Variants in PDS5A observed in about 807,000 individuals in gnomAD.
PDS5A encodes sister chromatid cohesion protein PDS5 homolog A.
PDS5A carries 42 observed loss-of-function variants against 167.1 expected under a neutral mutation model. The observed-to-expected ratio is 0.25, with a 90% CI of 0.20 to 0.33. The LOEUF (loss-of-function observed/expected upper bound fraction) is 0.33, where lower values mean the gene tolerates loss of function less well. Among genes scored for constraint, PDS5A ranks in the 10% least tolerant of loss-of-function variants. The pLI is 1.00. For synonymous variants in PDS5A, 553 were observed against 554.6 expected, an observed-to-expected ratio of 1.00 and a Z score of 0.04; for missense variants, 1,033 against 1,605.9, an observed-to-expected ratio of 0.64 and a Z score of 6.10.
chr4:39,886,269 T>C (rs184909085), intron 17 of PDS5A, among the ~76,000 whole-genome samples: 205 of 152,372 alleles, frequency 1.3e-3, no homozygotes, highest in African/African-American at 4.8e-3. Flanking sequence ...TTTTGTTCTC[T>C]TTCCTCATAT....
At chr4:39,838,712 G>A (rs1334819301) in intron 31 of PDS5A, among the ~76,000 whole-genome samples, 1 of 151,368 alleles carries the variant, frequency 6.6e-6, no homozygotes, top group Non-Finnish European at 1.5e-5. Flanking sequence ...GACAGAGGGA[G>A]ATCTTATCTC....
rs886261104 is a variant in PDS5A, at chr4:39,934,500, C to T, written c.139-6336G>A. On this transcript the variant is annotated intron_variant, in intron 2 of 32. Coordinates refer to ENST00000303538, the MANE Select transcript of PDS5A (RefSeq NM_001100399.2). ...TTCTTACCTCATCTAATTTATCATACACTTATGAGAATTAAACAATTTCTT... is the reference window on the plus strand; with the variant it reads ...TTCTTACCTCATCTAATTTATCATATACTTATGAGAATTAAACAATTTCTT... 4.6e-5 allele frequency among the ~76,000 whole-genome samples: 7 copies of T among 152,170 alleles called. No homozygotes were observed. The South Asian group carries it at 1.0e-3, about 23-fold the overall frequency.
intron 2 of PDS5A, among the ~76,000 whole-genome samples, chr4:39,949,676 T>C (rs1578806982): frequency 6.7e-6 from 1 of 149,030 alleles, no homozygotes; most frequent in South Asian, 2.1e-4. Flanking sequence ...AAAAAAAAAG[T>C]TTCAACAATT....
chr4:39,977,485 C>A lies in PDS5A; in HGVS notation c.-69G>T. ...CTCCTCATGCGGGCGGAAGGTGCAT[C>A]GAGCGCCCGGGCCTCTGTCAGGTGG... On this transcript the variant is annotated 5_prime_UTR_variant, in exon 1 of 33. Coordinates refer to ENST00000303538, the MANE Select transcript of PDS5A (RefSeq NM_001100399.2). This position sits in a 1 kb window ranked among gnomAD's most constrained non-coding sequence, Gnocchi z 4.2. 1 of 154,654 alleles carries A rather than the reference C, an allele frequency of 6.5e-6. No individual in the cohort carries two copies. Among genetic ancestry groups the A allele is most frequent in the Non-Finnish European group, 1.4e-5 (1 of 69,650 alleles). 9.6% of individuals were successfully genotyped at this position (154,654 alleles called of 1,614,324 possible).
chr4:39,866,461 CTTAT>C (rs1719463362), intron 23 of PDS5A, among the ~76,000 whole-genome samples: 1 of 152,146 alleles, frequency 6.6e-6, no homozygotes, highest in African/African-American at 2.4e-5. Context: ...AGTCACTCCA[CTTAT>C]TTAATCGCTT....
chr4:39,879,356 CAAATATACCAAG>C (rs1316428322), intron 18 of PDS5A, among the ~76,000 whole-genome samples: 2 of 152,048 alleles, frequency 1.3e-5, no homozygotes, highest in East Asian at 1.9e-4. Context: ...AAGAATCCCA[CAAATATACCAAG>C]AAATACTCCC....
At chr4:39,829,680 G>A (rs905397706) in intron 32 of PDS5A, among the ~76,000 whole-genome samples, 25 of 150,288 alleles carry the variant, frequency 1.7e-4, no homozygotes, top group African/African-American at 5.1e-4. Flanking sequence ...GGCCAGGCGC[G>A]GTGGCTCACG....
chr4:39,912,285 TA>T (rs2109687406), intron 9 of PDS5A, among the ~76,000 whole-genome samples: 1 of 152,282 alleles, frequency 6.6e-6, no homozygotes, highest in South Asian at 2.1e-4. Context: ...CAGAAACTTA[TA>T]TTGGGTGATT....
intron 27 of PDS5A, 28 bp from the exon 28 acceptor site, chr4:39,848,998 C>G (rs1308620949): frequency 4.1e-6 from 6 of 1,466,644 alleles, no homozygotes; most frequent in Middle Eastern, 1.7e-4. Context: ...TCATATATAA[C>G]TTTTAGTATT....
chr4:39,890,099 T>C (rs927820911), intron 17 of PDS5A, 150 bp downstream of exon 17: 12 of 477,076 alleles, frequency 2.5e-5, no homozygotes, highest in Non-Finnish European at 2.9e-5. Context: ...ATGAGAAGGC[T>C]TTCCCTTCAA....
chr4:39,915,525 A>G (rs1267896332), intron 8 of PDS5A, among the ~76,000 whole-genome samples: 3 of 151,254 alleles, frequency 2.0e-5, no homozygotes, highest in Non-Finnish European at 4.4e-5. Flanking sequence ...ATGCTTGGCT[A>G]ATTTCTGTAT....
At chr4:39,967,832 G>A (rs1238996620) in intron 2 of PDS5A, among the ~76,000 whole-genome samples, 2 of 151,196 alleles carry the variant, frequency 1.3e-5, no homozygotes, top group African/African-American at 2.4e-5. Flanking sequence ...GGTGGCAGAA[G>A]CCTGTAGTCC....
Position 39,917,041 on chromosome 4 carries a change from A to G in PDS5A, c.876+7T>C, listed in dbSNP as rs995527464. The stretch of plus-strand genomic sequence containing the variant: ...AAAAAAAAAAAAAGAAAACTGGTCA[A>G]TCTTACCTTTAGTTTGAATTCAAGC... On this transcript the variant is annotated splice_region_variant and intron_variant, in intron 8 of 32. Transcript: ENST00000303538. 9.6e-6 allele frequency: 14 copies of G among 1,455,316 alleles called. No homozygotes were observed. Among genetic ancestry groups the G allele is most frequent in the Non-Finnish European group, 1.2e-5 (13 of 1,105,374 alleles). 90.2% of individuals were successfully genotyped at this position (1,455,316 alleles called of 1,614,324 possible).
At chr4:39,971,393 T>C (rs1445984823) in intron 2 of PDS5A, among the ~76,000 whole-genome samples, 5 of 151,934 alleles carry the variant, frequency 3.3e-5, no homozygotes, top group Admixed American at 2.0e-4. Flanking sequence ...CCTGACCTCA[T>C]GATCCACCCG....
At chr4:39,876,607 T>A (rs1421463843) in intron 19 of PDS5A, among the ~76,000 whole-genome samples, 1 of 152,178 alleles carries the variant, frequency 6.6e-6, no homozygotes, top group Non-Finnish European at 1.5e-5. Context: ...ATTTGCCCCA[T>A]TTTTTGGTAG....
At chr4:39,964,330 C>T (rs1485669351) in intron 2 of PDS5A, among the ~76,000 whole-genome samples, 1 of 152,196 alleles carries the variant, frequency 6.6e-6, no homozygotes, top group South Asian at 2.1e-4. Flanking sequence ...TCATGGCTGA[C>T]TGGCTGATTA....
At chr4:39,973,798 G>A in intron 2 of PDS5A, 1 of 1,253,184 alleles carries the variant, frequency 8.0e-7, no homozygotes, top group Non-Finnish European at 1.2e-6. Flanking sequence ...ACCTCCTTCA[G>A]GTTACTTCAT....
At chr4:39,889,480 C>A (rs769835672) in intron 17 of PDS5A, among the ~76,000 whole-genome samples, 3 of 152,206 alleles carry the variant, frequency 2.0e-5, no homozygotes, top group Non-Finnish European at 4.4e-5. Flanking sequence ...GGTACTGGAA[C>A]TGATCTCTGA....
chr4:39,903,932 T>A (rs1378255451), intron 12 of PDS5A, 108 bp downstream of exon 12: 3 of 550,902 alleles, frequency 5.4e-6, no homozygotes, highest in Non-Finnish European at 8.8e-6. Context: ...TTAATTTTAT[T>A]TATGAAGTAA....
Sources: gnomAD v4.1 joint callset for allele counts (sites outside exome capture counted in the v4.1 genomes callset) on GRCh38, gnomAD v4.1.1 for gene constraint, Gnocchi (gnomAD v3.1) non-coding constraint, MANE v1.5 for transcripts, NCBI Gene and HGNC (gene_info 2026-07-23, HGNC 2026-07-21) for gene names.